The following CASD1 variants were observed in gnomAD, a reference collection of about 807,000 sequenced individuals.
CASD1 encodes CAS1 domain sialic acid O acetyltransferase 1, also known as N-acetylneuraminate (7)9-O-acetyltransferase.
A neutral mutation model predicts 100.0 loss-of-function variants in CASD1; 41 were observed. That is an observed-to-expected ratio of 0.41 (90% CI 0.32 to 0.53). CASD1 has a LOEUF of 0.53. Among genes scored for constraint, CASD1 ranks in the 20% least tolerant of loss-of-function variants. CASD1 has a pLI of 0.25. For missense variants in CASD1, 774 were observed against 948.7 expected (o/e 0.82, Z 2.42); for synonymous variants, 321 against 315.6 (o/e 1.02, Z -0.18).
chr7:94,545,585 T>C lies in CASD1; in HGVS notation c.1517T>C (p.Ile506Thr), dbSNP rs1407024435. ...AATTTCCTGGTAGTGGTGTTATGTA[T>C]AGTAATGGATCGACCTTATCAATTC... ...RLNFLVVVLCIVMDRPYQFYY... is the reference protein window; with the variant it reads ...RLNFLVVVLCTVMDRPYQFYY... Residue 506 changes from isoleucine to threonine, a missense_variant, in exon 12 of 18, where the codon ATA becomes ACA. This residue lies in a region of CASD1 where 453 missense variants were observed against 532.6 expected (regional missense o/e 0.85). Coordinates refer to ENST00000297273, the MANE Select transcript of CASD1 (RefSeq NM_022900.5). 1.9e-6 allele frequency: 3 copies of C among 1,608,858 alleles called. No homozygotes were observed. The highest frequency in any genetic ancestry group is 2.6e-6 in the Non-Finnish European group (3 of 1,175,734).
intron 1 of CASD1, among the ~76,000 whole-genome samples, chr7:94,515,448 T>G (rs2116182953): frequency 6.6e-6 from 1 of 151,828 alleles, no homozygotes; most frequent in Middle Eastern, 3.4e-3. Context: ...TTCATCAGAT[T>G]AGAGCTATTG....
chr7:94,515,833 A>G (rs1328477938), intron 1 of CASD1, among the ~76,000 whole-genome samples: 5 of 152,146 alleles, frequency 3.3e-5, no homozygotes, highest in Admixed American at 6.5e-5. Flanking sequence ...TAAAAAATAG[A>G]TGTTTTGCTA....
the CASD1 span, chr7:94,603,590 TA>T: frequency 2.7e-6 from 2 of 743,334 alleles, no homozygotes; most frequent in Non-Finnish European, 4.5e-6. Flanking sequence ...GCCTCGGCTC[TA>T]AAAACAATGA....
At chr7:94,516,199 A>G (rs929864540) in intron 1 of CASD1, among the ~76,000 whole-genome samples, 5 of 152,158 alleles carry the variant, frequency 3.3e-5, no homozygotes, top group Non-Finnish European at 5.9e-5. Flanking sequence ...ACACAAATTT[A>G]ATAATTGATA....
chr7:94,557,307 A>G (rs1201440989), downstream of CASD1, among the ~76,000 whole-genome samples: 1 of 152,078 alleles, frequency 6.6e-6, no homozygotes, highest in Non-Finnish European at 1.5e-5. Context: ...TTTCTTGGAC[A>G]GAGATGTGTG....
chr7:94,528,851 T>C (rs1405074780), intron 5 of CASD1, among the ~76,000 whole-genome samples: 1 of 152,190 alleles, frequency 6.6e-6, no homozygotes, highest in Non-Finnish European at 1.5e-5. Context: ...ACCTGTATTC[T>C]TTCCCAGAGA....
chr7:94,535,662 TC>T (rs1218629208), intron 8 of CASD1, 139 bp downstream of exon 8: 2 of 648,594 alleles, frequency 3.1e-6, no homozygotes, highest in Non-Finnish European at 5.3e-6. Flanking sequence ...TAAAGATACA[TC>T]TAGAAATTAT....
At chr7:94,563,189 C>G in the CASD1 span, among the ~76,000 whole-genome samples, 1 of 152,104 alleles carries the variant, frequency 6.6e-6, no homozygotes, top group African/African-American at 2.4e-5. Flanking sequence ...GACATGGAAC[C>G]TGAAGACGTT....
the CASD1 span, chr7:94,586,914 CACTA>C: frequency 1.7e-5 from 17 of 984,232 alleles, no homozygotes; most frequent in South Asian, 7.5e-4. Context: ...TTTGGGGACT[CACTA>C]AATAAAACAA....
chr7:94,578,376 C>T, the CASD1 span, among the ~76,000 whole-genome samples: 147 of 152,170 alleles, frequency 9.7e-4, 1 homozygote, highest in South Asian at 7.9e-3. Flanking sequence ...ATCCCACTTC[C>T]GCCTCATCAA....
the CASD1 span, chr7:94,619,281 G>A: frequency 4.9e-6 from 1 of 203,166 alleles, no homozygotes. Context: ...GATCTTTTGG[G>A]GAGCATGCTA....
the CASD1 span, chr7:94,626,381 T>C: frequency 6.6e-6 from 1 of 152,236 alleles, no homozygotes; most frequent in East Asian, 1.9e-4. Context: ...TACATTTTAA[T>C]ATAATTGTTT....
chr7:94,599,165 T>C, the CASD1 span: 19 of 533,670 alleles, frequency 3.6e-5, no homozygotes, highest in Admixed American at 6.6e-5. Context: ...ATAAACTGAT[T>C]TTAAAATACA....
At chr7:94,528,117 A>G (rs1466785034) in intron 4 of CASD1, 71 bp from the exon 5 acceptor site, 1 of 1,023,372 alleles carries the variant, frequency 9.8e-7, no homozygotes, top group African/African-American at 1.6e-5. Flanking sequence ...AGAGAATGTT[A>G]ATGTTTATTT....
At position 94,552,237 on chromosome 7, in the gene CASD1, A is replaced by G. The variant is rs115639807; in HGVS notation, c.1957-113A>G. 2,799 of 711,344 alleles carry G rather than the reference A, an allele frequency of 3.9e-3. 52 individuals carry two copies. The African/African-American group carries it at 0.046, about 12-fold the overall frequency. The allele number at this position is 711,344 out of a possible 1,614,324, so 44.1% of individuals were successfully genotyped here. On this transcript the variant is annotated intron_variant, in intron 15 of 17. Transcript: ENST00000297273. ...CAGTTTTTACTGATAGTTTTTACAT[A>G]GCATAATGAAGTATAATGTTATAAA... is the stretch of plus-strand genomic sequence containing the variant.
chr7:94,518,346 T>C, intron 3 of CASD1, 23 bp downstream of exon 3: 2 of 1,547,158 alleles, frequency 1.3e-6, no homozygotes, highest in Non-Finnish European at 1.7e-6. Flanking sequence ...TATTCCCTTC[T>C]GTAGAGTGTT....
At chr7:94,598,858 G>T in the CASD1 span, 1 of 1,611,952 alleles carries the variant, frequency 6.2e-7, no homozygotes, top group Non-Finnish European at 8.5e-7. Context: ...TCACAGGGTG[G>T]AACACAGGAA....
intron 16 of CASD1, chr7:94,554,094 A>G (rs998615296): frequency 1.3e-5 from 2 of 155,208 alleles, no homozygotes; most frequent in African/African-American, 4.8e-5. Context: ...CAAGAGAGGG[A>G]ATGACTGTCA....
At chr7:94,571,384 A>G in the CASD1 span, among the ~76,000 whole-genome samples, 1 of 152,130 alleles carries the variant, frequency 6.6e-6, no homozygotes, top group Non-Finnish European at 1.5e-5. Flanking sequence ...GTTTTGCCAG[A>G]CATAGAATTC....
Sources: allele counts gnomAD v4.1 joint callset (sites outside exome capture counted in the v4.1 genomes callset), GRCh38; gene constraint gnomAD v4.1.1; regional missense constraint gnomAD v4.1.1; transcripts MANE v1.5; gene names NCBI Gene and HGNC (gene_info 2026-07-23, HGNC 2026-07-21).